The following CCSER1 variants were observed in gnomAD, a reference collection of about 807,000 sequenced individuals.
CCSER1 encodes the protein coiled-coil serine rich protein 1.
CCSER1 carries 41 observed loss-of-function variants against 82.0 expected under a neutral mutation model. That is an observed-to-expected ratio of 0.50 (90% CI 0.39 to 0.65). The LOEUF (loss-of-function observed/expected upper bound fraction) is 0.65. Among genes scored for constraint, CCSER1 ranks in the 30% least tolerant of loss-of-function variants. The pLI is 0.00. For synonymous variants in CCSER1, 414 were observed against 383.9 expected, an observed-to-expected ratio of 1.08 and a Z score of -0.92; for missense variants, 1,119 against 1,064.2, an observed-to-expected ratio of 1.05 and a Z score of -0.72.
At position 91,040,668 on chromosome 4, in the gene CCSER1, G is replaced by C. The variant is rs1445180203; in HGVS notation, c.2173-45282G>C. Among the ~76,000 whole-genome samples, 3 of 152,166 alleles carry C rather than the reference G, an allele frequency of 2.0e-5. No individual in the cohort carries two copies. In the East Asian group the frequency reaches 5.8e-4, roughly 29 times the overall value. On this transcript the variant is annotated intron_variant, in intron 9 of 10. Transcript: ENST00000509176. ...AGCAGACAACTGATAGGCCAGTCCAGTAGAATAAAATAACCCAAGATTTTC... is the reference window on the plus strand; with the variant it reads ...AGCAGACAACTGATAGGCCAGTCCACTAGAATAAAATAACCCAAGATTTTC...
chr4:90,540,250 A>G (rs760329492), intron 5 of CCSER1, among the ~76,000 whole-genome samples: 2 of 152,152 alleles, frequency 1.3e-5, no homozygotes, highest in Non-Finnish European at 2.9e-5. Context: ...TTCTAGTAAA[A>G]TAAGTATAAA....
chr4:90,605,148 C>G (rs1269613947), intron 5 of CCSER1, among the ~76,000 whole-genome samples: 1 of 152,122 alleles, frequency 6.6e-6, no homozygotes, highest in East Asian at 1.9e-4. Flanking sequence ...AGACCACGAA[C>G]CCCCCAGAAG....
intron 10 of CCSER1, among the ~76,000 whole-genome samples, chr4:91,341,510 G>A (rs1164141560): frequency 6.6e-6 from 1 of 152,166 alleles, no homozygotes; most frequent in Non-Finnish European, 1.5e-5. Flanking sequence ...CATTTAGCAT[G>A]TGCATTTAGA....
At chr4:90,153,688 TG>T (rs1248078717) in intron 1 of CCSER1, among the ~76,000 whole-genome samples, 2 of 152,230 alleles carry the variant, frequency 1.3e-5, no homozygotes, top group Non-Finnish European at 2.9e-5. Flanking sequence ...TGTCTTCTTT[TG>T]AGAAGTGTCT....
At chr4:91,396,321 C>T (rs977962986) in intron 10 of CCSER1, among the ~76,000 whole-genome samples, 2 of 152,030 alleles carry the variant, frequency 1.3e-5, no homozygotes, top group African/African-American at 2.4e-5. Flanking sequence ...GGATAAAGTT[C>T]TGGAATTACT....
intron 10 of CCSER1, among the ~76,000 whole-genome samples, chr4:91,505,257 CAAAGG>C (rs1415047318): frequency 6.6e-6 from 1 of 152,172 alleles, no homozygotes; most frequent in African/African-American, 2.4e-5. Flanking sequence ...CACATCCCTG[CAAAGG>C]AAATGATCTC....
rs561749864 is a variant in CCSER1, at chr4:91,131,161, G to A, written c.2217+45167G>A. ...ACAATTGTGTAAATAATAGATGACT[G>A]ATATCTAATATGCTACCCATATTTA... On this transcript the variant is annotated intron_variant, in intron 10 of 10. Coordinates refer to ENST00000509176, the MANE Select transcript of CCSER1 (RefSeq NM_001145065.2). 2.0e-5 allele frequency among the ~76,000 whole-genome samples: 3 copies of A among 151,924 alleles called. No individual in the cohort carries two copies. The South Asian group carries it at 6.2e-4, about 32-fold the overall frequency.
At chr4:90,621,208 G>A (rs1281073443) in intron 5 of CCSER1, among the ~76,000 whole-genome samples, 2 of 152,086 alleles carry the variant, frequency 1.3e-5, no homozygotes, top group Non-Finnish European at 2.9e-5. Flanking sequence ...ACATCCAAAG[G>A]AAAATAGCTA....
chr4:91,231,546 G>T (rs1018883677), intron 10 of CCSER1, among the ~76,000 whole-genome samples: 6 of 151,576 alleles, frequency 4.0e-5, no homozygotes, highest in African/African-American at 7.3e-5. Flanking sequence ...GAGTAGAGAA[G>T]GTGTTGTAGA....
At chr4:91,426,165 G>T (rs1753957726) in intron 10 of CCSER1, among the ~76,000 whole-genome samples, 1 of 152,094 alleles carries the variant, frequency 6.6e-6, no homozygotes, top group South Asian at 2.1e-4. Context: ...GTGATAGTTT[G>T]CTGAGAATGA....
chr4:91,290,041 T>G (rs1743627883), intron 10 of CCSER1, among the ~76,000 whole-genome samples: 1 of 151,986 alleles, frequency 6.6e-6, no homozygotes, highest in Non-Finnish European at 1.5e-5. Flanking sequence ...CATCAGGTAC[T>G]CTGTAAGCTA....
At chr4:90,611,781 C>T (rs908832366) in intron 5 of CCSER1, among the ~76,000 whole-genome samples, 5 of 147,632 alleles carry the variant, frequency 3.4e-5, no homozygotes, top group African/African-American at 1.2e-4. Flanking sequence ...TAGAAACAGG[C>T]TTTATATATA....
At chr4:90,738,660 C>A (rs556317981) in intron 7 of CCSER1, among the ~76,000 whole-genome samples, 14 of 152,120 alleles carry the variant, frequency 9.2e-5, no homozygotes, top group Non-Finnish European at 1.8e-4. Flanking sequence ...CACTCAAGAC[C>A]AAAGGCTCTA....
At chr4:91,238,444 T>C (rs1256642991) in intron 10 of CCSER1, among the ~76,000 whole-genome samples, 1 of 152,188 alleles carries the variant, frequency 6.6e-6, no homozygotes, top group East Asian at 1.9e-4. Flanking sequence ...TGTGAAAACC[T>C]TAGCAGAGAA....
intron 7 of CCSER1, chr4:90,781,751 C>A: frequency 1.0e-6 from 1 of 966,872 alleles, no homozygotes; most frequent in Non-Finnish European, 1.2e-6. Flanking sequence ...GTATGAAAAC[C>A]TGTCTTTTGT....
chr4:91,060,759 G>T (rs1743886419), intron 9 of CCSER1, among the ~76,000 whole-genome samples: 1 of 151,988 alleles, frequency 6.6e-6, no homozygotes, highest in Admixed American at 6.6e-5. Context: ...TTTAAGTGGG[G>T]TTGATAATGG....
At chr4:90,336,041 T>C (rs953827082) in intron 3 of CCSER1, among the ~76,000 whole-genome samples, 1 of 152,236 alleles carries the variant, frequency 6.6e-6, no homozygotes, top group African/African-American at 2.4e-5. Context: ...TTTAAAAACA[T>C]GTTACATTCA....
intron 9 of CCSER1, among the ~76,000 whole-genome samples, chr4:90,953,248 A>G (rs1733101896): frequency 6.6e-6 from 1 of 151,980 alleles, no homozygotes; most frequent in Admixed American, 6.6e-5. Context: ...AAATTATAAC[A>G]GAACTGAAGG....
At chr4:90,172,304 A>G (rs1731858403) in intron 1 of CCSER1, among the ~76,000 whole-genome samples, 1 of 151,874 alleles carries the variant, frequency 6.6e-6, no homozygotes, top group African/African-American at 2.4e-5. Flanking sequence ...ATAAAGATAT[A>G]CCCAGAGAAA....
Sources: gnomAD v4.1 joint callset for allele counts (sites outside exome capture counted in the v4.1 genomes callset) on GRCh38, gnomAD v4.1.1 for gene constraint, MANE v1.5 for transcripts, NCBI Gene and HGNC (gene_info 2026-07-23, HGNC 2026-07-21) for gene names.